Variants in GRIK2 observed in about 807,000 individuals in gnomAD.
The protein encoded by GRIK2 is glutamate receptor ionotropic, kainate 2.
In GRIK2, 32 loss-of-function variants were observed where a neutral mutation model predicts 100.3. That is an observed-to-expected ratio of 0.32 (90% CI 0.24 to 0.43). The LOEUF (loss-of-function observed/expected upper bound fraction) is 0.43, where lower values mean the gene tolerates loss of function less well. Among genes scored for constraint, GRIK2 ranks in the 20% least tolerant of loss-of-function variants. GRIK2 has a pLI of 1.00. For missense variants in GRIK2, 843 were observed against 1,114.9 expected (o/e 0.76, Z 3.47); for synonymous variants, 417 against 389.4 (o/e 1.07, Z -0.83).
intron 14 of GRIK2, among the ~76,000 whole-genome samples, chr6:101,984,563 C>T (rs1793905083): frequency 1.3e-5 from 2 of 150,130 alleles, no homozygotes; most frequent in Non-Finnish European, 3.0e-5. Context: ...TGCAGTTACT[C>T]TAGTAGAATC....
At chr6:101,989,229 A>T (rs935895328) in intron 14 of GRIK2, among the ~76,000 whole-genome samples, 2 of 151,666 alleles carry the variant, frequency 1.3e-5, no homozygotes, top group Non-Finnish European at 2.9e-5. Flanking sequence ...TATTGAAATG[A>T]AGCAACATTA....
intron 5 of GRIK2, among the ~76,000 whole-genome samples, chr6:101,682,119 G>C (rs1369187095): frequency 6.6e-6 from 1 of 152,154 alleles, no homozygotes; most frequent in African/African-American, 2.4e-5. Flanking sequence ...TCTCTAAAGA[G>C]CTAAAATAAA....
intron 4 of GRIK2, among the ~76,000 whole-genome samples, chr6:101,675,991 A>G (rs1444003136): frequency 6.6e-6 from 1 of 152,164 alleles, no homozygotes. Flanking sequence ...AGTTTCTAAT[A>G]ATAGGGAATA....
At chr6:102,065,812 T>C in intron 16 of GRIK2, 4 of 1,522,994 alleles carry the variant, frequency 2.6e-6, no homozygotes, top group Non-Finnish European at 1.8e-6. Flanking sequence ...CAAGACTAAG[T>C]TACCTCAAGA....
chr6:101,430,441 G>T, intron 2 of GRIK2: 1 of 215,546 alleles, frequency 4.6e-6, no homozygotes, highest in Non-Finnish European at 9.9e-6. Flanking sequence ...GCTGGAAGGT[G>T]GAAAGGGAGG....
chr6:101,623,041 T>C (rs931639527), intron 3 of GRIK2, among the ~76,000 whole-genome samples: 2 of 152,098 alleles, frequency 1.3e-5, no homozygotes, highest in African/African-American at 4.8e-5. Context: ...AAAAGGCTTA[T>C]AAAGTGTTTG....
At chr6:101,504,736 A>G (rs1419230679) in intron 2 of GRIK2, among the ~76,000 whole-genome samples, 2 of 152,188 alleles carry the variant, frequency 1.3e-5, no homozygotes, top group Non-Finnish European at 2.9e-5. Flanking sequence ...AGGTTATGAG[A>G]TAACATATAA....
chr6:102,020,199 C>T (rs1277919273), intron 14 of GRIK2, among the ~76,000 whole-genome samples: 1 of 151,568 alleles, frequency 6.6e-6, no homozygotes, highest in African/African-American at 2.4e-5. Context: ...TTTAGAATAC[C>T]CTTGCTTATG....
intron 2 of GRIK2, among the ~76,000 whole-genome samples, chr6:101,608,076 T>C (rs1046029617): frequency 2.0e-5 from 3 of 151,862 alleles, no homozygotes; most frequent in African/African-American, 7.2e-5. Context: ...TGGTTAGTAC[T>C]TGGTTATACA....
intron 15 of GRIK2, among the ~76,000 whole-genome samples, chr6:102,050,874 C>T (rs565025173): frequency 2.0e-5 from 3 of 152,020 alleles, no homozygotes; most frequent in African/African-American, 7.2e-5. Context: ...TTAATAAACC[C>T]AGCAAGTTAG....
At chr6:102,003,254 T>C (rs1795041685) in intron 14 of GRIK2, among the ~76,000 whole-genome samples, 1 of 151,632 alleles carries the variant, frequency 6.6e-6, no homozygotes, top group South Asian at 2.1e-4. Context: ...TATATTTATA[T>C]ATGGGATAAA....
intron 4 of GRIK2, among the ~76,000 whole-genome samples, chr6:101,657,537 G>T (rs1769285025): frequency 6.6e-6 from 1 of 152,108 alleles, no homozygotes. Flanking sequence ...GCAACCTTCA[G>T]ATTATGATAT....
At chr6:101,966,011 C>T (rs1461212098) in intron 14 of GRIK2, among the ~76,000 whole-genome samples, 2 of 151,942 alleles carry the variant, frequency 1.3e-5, no homozygotes, top group Non-Finnish European at 1.5e-5. Flanking sequence ...TAGTATATAA[C>T]CAATAAATAT....
chr6:101,784,257 C>A (rs544755862), intron 7 of GRIK2, among the ~76,000 whole-genome samples: 2 of 152,336 alleles, frequency 1.3e-5, no homozygotes, highest in East Asian at 3.9e-4. Flanking sequence ...GACTTGGTGC[C>A]CTATGTCCAG....
intron 2 of GRIK2, among the ~76,000 whole-genome samples, chr6:101,415,007 G>GGTGT (rs3057494): frequency 5.3e-5 from 8 of 150,592 alleles, no homozygotes; most frequent in East Asian, 2.0e-4. Context: ...TGGTGTGTGG[G>GGTGT]GTGTGTGTGT....
chr6:101,813,827 G>A (rs1042082121), intron 9 of GRIK2, among the ~76,000 whole-genome samples: 24 of 152,010 alleles, frequency 1.6e-4, no homozygotes, highest in Non-Finnish European at 3.4e-4. Flanking sequence ...GCTGGGCATG[G>A]TAGTGGGTGC....
intron 16 of GRIK2, among the ~76,000 whole-genome samples, chr6:102,057,392 T>C (rs1167198531): frequency 6.6e-6 from 1 of 151,998 alleles, no homozygotes; most frequent in Non-Finnish European, 1.5e-5. Flanking sequence ...CAAAAACAAA[T>C]GATGCGAGGA....
intron 6 of GRIK2, 128 bp from the exon 7 acceptor site, chr6:101,686,052 T>C: frequency 1.7e-6 from 1 of 596,400 alleles, no homozygotes; most frequent in South Asian, 2.4e-5. Context: ...TGATTTGTGA[T>C]GTTTAACGTC....
At chr6:101,896,138 T>A (rs1787423209) in intron 12 of GRIK2, among the ~76,000 whole-genome samples, 1 of 151,760 alleles carries the variant, frequency 6.6e-6, no homozygotes. Context: ...CAAGTATATG[T>A]GGAGTCACCA....
Sources: allele counts gnomAD v4.1 joint callset (sites outside exome capture counted in the v4.1 genomes callset), GRCh38; gene constraint gnomAD v4.1.1; transcripts MANE v1.5; gene names NCBI Gene and HGNC (gene_info 2026-07-23, HGNC 2026-07-21).